KCNH7: variants seen among roughly 807,000 people sequenced by gnomAD.
KCNH7 encodes voltage-gated inwardly rectifying potassium channel KCNH7.
Under a neutral mutation model 120.8 loss-of-function variants are expected in KCNH7, and 49 were observed. The observed-to-expected ratio is 0.41, with a 90% CI of 0.32 to 0.51. The LOEUF (loss-of-function observed/expected upper bound fraction) is 0.51. Ranked by LOEUF, KCNH7 falls within the 20% of genes least tolerant of loss-of-function variation. The pLI, the probability that KCNH7 is intolerant of heterozygous loss-of-function variation, is 0.38. For synonymous variants in KCNH7, 547 were observed against 516.1 expected, an observed-to-expected ratio of 1.06 and a Z score of -0.81; for missense variants, 1,097 against 1,446.6, an observed-to-expected ratio of 0.76 and a Z score of 3.92.
intron 2 of KCNH7, among the ~76,000 whole-genome samples, chr2:162,644,144 A>C (rs900606688): frequency 1.3e-5 from 2 of 152,096 alleles, no homozygotes; most frequent in Admixed American, 1.3e-4. Flanking sequence ...AAATTCAGAA[A>C]AACAAATGGA....
At chr2:162,635,799 T>G (rs1288603237) in intron 2 of KCNH7, among the ~76,000 whole-genome samples, 1 of 152,096 alleles carries the variant, frequency 6.6e-6, no homozygotes, top group Non-Finnish European at 1.5e-5. Flanking sequence ...TTTTAACTTA[T>G]GAGAAGCTGC....
chr2:162,813,295 A>G (rs1183932549), intron 2 of KCNH7, among the ~76,000 whole-genome samples: 1 of 152,188 alleles, frequency 6.6e-6, no homozygotes, highest in Non-Finnish European at 1.5e-5. Context: ...ATGGATAAAA[A>G]GGAATGCCAA....
chr2:162,710,616 G>A (rs1358043842), intron 2 of KCNH7, among the ~76,000 whole-genome samples: 2 of 152,130 alleles, frequency 1.3e-5, no homozygotes, highest in African/African-American at 4.8e-5. Context: ...AAAAGCCTTC[G>A]GGGAAAGTTG....
intron 2 of KCNH7, among the ~76,000 whole-genome samples, chr2:162,624,192 C>T (rs1345184875): frequency 2.0e-5 from 3 of 152,140 alleles, no homozygotes; most frequent in Non-Finnish European, 1.5e-5. Flanking sequence ...TCCTCCTAAC[C>T]TATCTTCAGA....
chr2:162,625,012 C>G (rs1639447427), intron 2 of KCNH7, among the ~76,000 whole-genome samples: 1 of 150,662 alleles, frequency 6.6e-6, no homozygotes. Flanking sequence ...ATTCTCCTGC[C>G]TCAGCCTCCT....
intron 2 of KCNH7, among the ~76,000 whole-genome samples, chr2:162,732,583 C>A (rs957344224): frequency 2.0e-5 from 3 of 152,080 alleles, no homozygotes; most frequent in African/African-American, 7.2e-5. Flanking sequence ...ATTGAGAATC[C>A]TGTGGTCTGC....
chr2:162,530,477 C>T, intron 3 of KCNH7, among the ~76,000 whole-genome samples: 1 of 151,690 alleles, frequency 6.6e-6, no homozygotes, highest in Non-Finnish European at 1.5e-5. Flanking sequence ...TGCGCGCACA[C>T]ACACACACAC....
intron 2 of KCNH7, among the ~76,000 whole-genome samples, chr2:162,790,948 T>C (rs1406264176): frequency 1.3e-5 from 2 of 152,086 alleles, no homozygotes; most frequent in Non-Finnish European, 2.9e-5. Context: ...GTATTCAACA[T>C]AGTACTTGAA....
At position 162,528,809 on chromosome 2, in the gene KCNH7, A is replaced by G. The variant is rs61704202; in HGVS notation, c.463+8116T>C. Among the ~76,000 whole-genome samples, 570 of 152,106 alleles carry G rather than the reference A, an allele frequency of 3.7e-3. 4 individuals are homozygous for G. Among genetic ancestry groups the G allele is most frequent in the African/African-American group, 0.012 (515 of 41,542 alleles). On this transcript the variant is annotated intron_variant, in intron 3 of 15. Transcript: ENST00000332142. The stretch of plus-strand genomic sequence containing the variant: ...TGTGAGACTATTATATCAGTCCAAG[A>G]AAGATGTGTTGAGGGTCTGAATAGG...
intron 2 of KCNH7, among the ~76,000 whole-genome samples, chr2:162,619,679 GTTCTC>G (rs1287866759): frequency 6.6e-6 from 1 of 151,892 alleles, no homozygotes; most frequent in African/African-American, 2.4e-5. Flanking sequence ...AAAATTATCT[GTTCTC>G]TTAAGTGTTT....
In KCNH7 at chr2:162,504,436, G is replaced by A. The variant is rs759900711; in HGVS notation, c.1128+7C>T. On this transcript the variant is annotated splice_region_variant and intron_variant, in intron 6 of 15. Coordinates refer to ENST00000332142, the MANE Select transcript of KCNH7 (RefSeq NM_033272.4). Reference sequence around the variant, plus strand: ...CAGTTGAAATTGATAAGAAAATTGTGTCCTACCTGGGTCACTTTCTCAGTC... The same window carrying A: ...CAGTTGAAATTGATAAGAAAATTGTATCCTACCTGGGTCACTTTCTCAGTC... 1.9e-6 allele frequency: 3 copies of A among 1,597,728 alleles called. No homozygotes were observed. The highest frequency in any genetic ancestry group is 1.1e-5 in the South Asian group (1 of 90,746).
chr2:162,655,206 C>T (rs1029694825), intron 2 of KCNH7, among the ~76,000 whole-genome samples: 7 of 151,964 alleles, frequency 4.6e-5, no homozygotes, highest in African/African-American at 9.7e-5. Context: ...CTAATGTATA[C>T]GTATTTCAAA....
intron 9 of KCNH7, among the ~76,000 whole-genome samples, chr2:162,420,457 T>C (rs1370026037): frequency 6.6e-6 from 1 of 152,164 alleles, no homozygotes; most frequent in Non-Finnish European, 1.5e-5. Flanking sequence ...TTCTGGCCCA[T>C]TTCCTTTTGT....
intron 2 of KCNH7, among the ~76,000 whole-genome samples, chr2:162,653,650 C>T (rs1184594772): frequency 6.6e-6 from 1 of 152,070 alleles, no homozygotes; most frequent in African/African-American, 2.4e-5. Context: ...AAAAAAAATC[C>T]TACAATTTGT....
chr2:162,389,645 TTAAAATGTA>T (rs1343981006), intron 12 of KCNH7, among the ~76,000 whole-genome samples: 2 of 152,038 alleles, frequency 1.3e-5, no homozygotes, highest in African/African-American at 4.8e-5. Flanking sequence ...AGGATTTCTC[TTAAAATGTA>T]TAATATCAGC....
rs1693338054 is a variant in KCNH7 at position 162,568,512 on chromosome 2, C to T, written c.308-31432G>A. Reference sequence around the variant, plus strand: ...AAGCAATGTGTGACTGTAATTTGTACAATTTTTATTTCCAGTTGATTAAAT... The same window carrying T: ...AAGCAATGTGTGACTGTAATTTGTATAATTTTTATTTCCAGTTGATTAAAT... On this transcript the variant is annotated intron_variant, in intron 2 of 15. Transcript: ENST00000332142. Among the ~76,000 whole-genome samples, 3 of 151,928 alleles carry T rather than the reference C, an allele frequency of 2.0e-5. No individual in the cohort carries two copies. In the South Asian group the frequency reaches 6.2e-4, roughly 31 times the overall value.
intron 2 of KCNH7, among the ~76,000 whole-genome samples, chr2:162,656,425 A>G (rs1684765533): frequency 6.6e-6 from 1 of 152,208 alleles, no homozygotes. Flanking sequence ...CTGTTGCTCT[A>G]TCTCCTTGAC....
In KCNH7 at chr2:162,519,072, G is replaced by A. The variant is rs573662055; in HGVS notation, c.464-914C>T. On this transcript the variant is annotated intron_variant, in intron 3 of 15. Coordinates refer to ENST00000332142, the MANE Select transcript of KCNH7 (RefSeq NM_033272.4). ...TCAATTTTGCAGTAAATGAAAGAAA[G>A]CATAACATCTAGTGCTGGCAAAGAA... Among the ~76,000 whole-genome samples the A allele has an allele frequency of 2.0e-5, 3 of 151,858 alleles. No individual in the cohort carries two copies. In the East Asian group the frequency reaches 5.9e-4, roughly 30 times the overall value.
chr2:162,753,455 C>T (rs1206197470), intron 2 of KCNH7, among the ~76,000 whole-genome samples: 1 of 152,050 alleles, frequency 6.6e-6, no homozygotes, highest in Admixed American at 6.6e-5. Context: ...ATGCCTGCTC[C>T]CTGGAATCTG....
Sources: allele counts gnomAD v4.1 joint callset (sites outside exome capture counted in the v4.1 genomes callset), GRCh38; gene constraint gnomAD v4.1.1; transcripts MANE v1.5; gene names NCBI Gene and HGNC (gene_info 2026-07-23, HGNC 2026-07-21).